The following NR1H4 variants were observed in gnomAD, a reference collection of about 807,000 sequenced individuals.
NR1H4 encodes the protein nuclear receptor subfamily 1 group H member 4.
In NR1H4, 23 loss-of-function variants were observed where a neutral mutation model predicts 58.5. The ratio of observed to expected loss-of-function variants is 0.39; its 90% CI spans 0.28 to 0.56. The LOEUF (loss-of-function observed/expected upper bound fraction) is 0.56, where lower values mean the gene tolerates loss of function less well. NR1H4 is among the 20% of genes least tolerant of loss of function. The pLI is 0.58. For missense variants in NR1H4, 487 were observed against 576.9 expected (o/e 0.84, Z 1.60); for synonymous variants, 214 against 198.0 (o/e 1.08, Z -0.68).
chr12:100,521,420 T>A (rs1381724416), intron 4 of NR1H4, among the ~76,000 whole-genome samples: 1 of 152,236 alleles, frequency 6.6e-6, no homozygotes, highest in African/African-American at 2.4e-5. Context: ...AATGTGCTAA[T>A]GTCTGAATGA....
chr12:100,489,665 G>C (rs998814995), intron 1 of NR1H4, among the ~76,000 whole-genome samples: 2 of 152,100 alleles, frequency 1.3e-5, no homozygotes, highest in East Asian at 1.9e-4. Flanking sequence ...GTATTTGAAG[G>C]CCCTTTTATA....
intron 6 of NR1H4, among the ~76,000 whole-genome samples, chr12:100,536,267 T>C (rs1954809856): frequency 6.6e-6 from 1 of 152,150 alleles, no homozygotes; most frequent in Non-Finnish European, 1.5e-5. Flanking sequence ...TCCTAAGAAA[T>C]ACACAAGTGG....
intron 3 of NR1H4, among the ~76,000 whole-genome samples, chr12:100,496,267 T>C (rs1443323709): frequency 6.6e-6 from 1 of 152,154 alleles, no homozygotes; most frequent in Non-Finnish European, 1.5e-5. Context: ...GACCTACAGA[T>C]GCCCAAGGTA....
Position 100,563,244 on chromosome 12 carries a change from A to C in NR1H4, c.1193-7A>C. 1 of 1,601,474 alleles carries C rather than the reference A, an allele frequency of 6.2e-7. No individual in the cohort carries two copies. The highest frequency in any genetic ancestry group is 8.6e-7 in the Non-Finnish European group (1 of 1,168,484). On this transcript the variant is annotated splice_polypyrimidine_tract_variant and splice_region_variant and intron_variant, in intron 10 of 10. Coordinates refer to ENST00000392986, the MANE Select transcript of NR1H4 (RefSeq NM_001206979.2). ...ATTTTGTCATTTTATTTTAAACTTC[A>C]AAACAGATAGACAATACATAAAGGA...
At chr12:100,549,145 T>C (rs1455148965) in intron 9 of NR1H4, among the ~76,000 whole-genome samples, 2 of 152,110 alleles carry the variant, frequency 1.3e-5, no homozygotes, top group Admixed American at 6.5e-5. Flanking sequence ...GAGACCATCC[T>C]GGCTAACACA....
chr12:100,479,356 G>A (rs1284167254), intron 1 of NR1H4, among the ~76,000 whole-genome samples: 1 of 152,126 alleles, frequency 6.6e-6, no homozygotes, highest in African/African-American at 2.4e-5. Flanking sequence ...CATCTGAGAT[G>A]TATTTTCCAA....
chr12:100,538,618 T>C (rs1434007165), intron 8 of NR1H4, among the ~76,000 whole-genome samples: 2 of 152,170 alleles, frequency 1.3e-5, no homozygotes, highest in African/African-American at 4.8e-5. Flanking sequence ...ATTGGTGTAT[T>C]GAAATCCCGT....
chr12:100,555,493 A>C (rs1955301981), intron 9 of NR1H4, among the ~76,000 whole-genome samples: 1 of 152,218 alleles, frequency 6.6e-6, no homozygotes, highest in African/African-American at 2.4e-5. Context: ...TTGTAAAGAC[A>C]AAAGTTCACA....
chr12:100,491,525 C>T (rs568269311), intron 1 of NR1H4, among the ~76,000 whole-genome samples: 1 of 150,130 alleles, frequency 6.7e-6, no homozygotes, highest in South Asian at 2.2e-4. Flanking sequence ...ATGGGTTGGT[C>T]AAACACAGCT....
At chr12:100,517,057 T>C (rs909182391) in intron 4 of NR1H4, among the ~76,000 whole-genome samples, 4 of 152,116 alleles carry the variant, frequency 2.6e-5, no homozygotes, top group African/African-American at 9.6e-5. Flanking sequence ...ACCTCTCTTC[T>C]AGTTATTTTG....
chr12:100,563,679 T>C lies in NR1H4; in HGVS notation c.*190T>C. 1 of 594,488 alleles carries C rather than the reference T, an allele frequency of 1.7e-6. No individual in the cohort carries two copies. The highest frequency in any genetic ancestry group is 2.1e-5 in the South Asian group (1 of 46,906). The allele number at this position is 594,488 out of a possible 1,614,324, so 36.8% of individuals were successfully genotyped here. A position where few individuals can be genotyped will look rare whatever the true frequency, so the allele number is the denominator to read the frequency against. On this transcript the variant is annotated 3_prime_UTR_variant, in exon 11 of 11. Transcript: ENST00000392986. ...TAGAACAACTTTCTCTACATTGTGT[T>C]TTAAAAGGCTCCAGGGAATCCTGCA...
intron 9 of NR1H4, among the ~76,000 whole-genome samples, chr12:100,560,444 G>C (rs1359965040): frequency 2.0e-5 from 3 of 152,138 alleles, no homozygotes; most frequent in African/African-American, 2.4e-5. Context: ...AACCCAGCGA[G>C]ACCACGAGCC....
chr12:100,559,576 G>A (rs1955414937), intron 9 of NR1H4, among the ~76,000 whole-genome samples: 1 of 152,202 alleles, frequency 6.6e-6, no homozygotes, highest in African/African-American at 2.4e-5. Context: ...CAGCCCACCG[G>A]CGCTGCGCTG....
chr12:100,493,776 G>T (rs1953653727), intron 3 of NR1H4, among the ~76,000 whole-genome samples: 1 of 152,138 alleles, frequency 6.6e-6, no homozygotes, highest in African/African-American at 2.4e-5. Context: ...CCTATTAAAG[G>T]CTGAGTTTAC....
chr12:100,560,445 A>C (rs903014666), intron 9 of NR1H4, among the ~76,000 whole-genome samples: 1 of 152,140 alleles, frequency 6.6e-6, no homozygotes, highest in African/African-American at 2.4e-5. Context: ...ACCCAGCGAG[A>C]CCACGAGCCC....
chr12:100,553,718 C>G (rs958689310), intron 9 of NR1H4, among the ~76,000 whole-genome samples: 2 of 152,214 alleles, frequency 1.3e-5, no homozygotes, highest in African/African-American at 4.8e-5. Context: ...AAACACAGAT[C>G]CATCTCATCT....
chr12:100,524,323 G>A (rs750579524), intron 4 of NR1H4, among the ~76,000 whole-genome samples: 1 of 152,168 alleles, frequency 6.6e-6, no homozygotes, highest in African/African-American at 2.4e-5. Flanking sequence ...AGGTAGCTAC[G>A]AGCAGCATCA....
At chr12:100,522,596 G>T (rs1429157860) in intron 4 of NR1H4, among the ~76,000 whole-genome samples, 1 of 151,748 alleles carries the variant, frequency 6.6e-6, no homozygotes, top group African/African-American at 2.4e-5. Flanking sequence ...CGTACAAATG[G>T]TTTTTTGTTA....
intron 10 of NR1H4, 74 bp from the exon 11 acceptor site, chr12:100,563,177 C>G: frequency 8.8e-7 from 1 of 1,141,074 alleles, no homozygotes; most frequent in Non-Finnish European, 1.3e-6. Flanking sequence ...AAATAGTTAA[C>G]GTTGCTATAA....
Sources: allele counts gnomAD v4.1 joint callset (sites outside exome capture counted in the v4.1 genomes callset), GRCh38; gene constraint gnomAD v4.1.1; transcripts MANE v1.5; gene names NCBI Gene and HGNC (gene_info 2026-07-23, HGNC 2026-07-21).